RTRAF: variants seen among roughly 807,000 people sequenced by gnomAD.
RTRAF encodes the protein tRNA-splicing ligase complex subunit RTRAF.
Under a neutral mutation model 34.4 loss-of-function variants are expected in RTRAF, and 14 were observed. The observed-to-expected ratio is 0.41, with a 90% CI of 0.27 to 0.64. The LOEUF is 0.64. RTRAF is among the 30% of genes least tolerant of loss of function. The pLI is 0.34. For missense variants in RTRAF, 291 were observed against 288.4 expected (o/e 1.01, Z -0.06); for synonymous variants, 96 against 95.3 (o/e 1.01, Z -0.04).
chr14:51,991,779 G>A (rs1005866104), intron 2 of RTRAF, among the ~76,000 whole-genome samples: 2 of 152,138 alleles, frequency 1.3e-5, no homozygotes, highest in East Asian at 1.9e-4. Flanking sequence ...ATTAAAAGAA[G>A]ACATTGGCTA....
At chr14:51,999,892 G>A in intron 5 of RTRAF, 96 bp downstream of exon 5, 4 of 812,062 alleles carry the variant, frequency 4.9e-6, no homozygotes, top group Non-Finnish European at 7.9e-6. Flanking sequence ...AATTATGGTT[G>A]AATGACTAAA....
intron 1 of RTRAF, 133 bp downstream of exon 1, chr14:51,989,833 C>T: frequency 1.2e-6 from 1 of 825,684 alleles, no homozygotes; most frequent in East Asian, 3.0e-5. Flanking sequence ...GGCCCCTCTC[C>T]TCTGGGTCGC....
Position 51,993,832 on chromosome 14 carries a change from G to T in RTRAF, c.286+10G>T, listed in dbSNP as rs543450936. On this transcript the variant is annotated intron_variant, in intron 3 of 7. Coordinates refer to ENST00000261700, the MANE Select transcript of RTRAF (RefSeq NM_016039.3). ...GAATATGGAGATAATGGTACGTTTT[G>T]TGGGGAATGTGTATTTTAAAGAGAG... The T allele has an allele frequency of 6.9e-7, 1 of 1,456,568 alleles. No homozygotes were observed. The highest frequency in any genetic ancestry group is 9.5e-7 in the Non-Finnish European group (1 of 1,054,806). 90.2% of individuals were successfully genotyped at this position (1,456,568 alleles called of 1,614,324 possible). A position where few individuals can be genotyped will look rare whatever the true frequency, so the allele number is the denominator to read the frequency against.
Position 52,007,939 on chromosome 14 carries a change from C to CTCTATTCCAGT in RTRAF, c.*3424_*3434dup. ...GATGACGTTTCAATTTTAGGAGCTT[C>CTCTATTCCAGT]TCTATTCCAGTCTGTCCAGTACAAG... On this transcript the variant is annotated 3_prime_UTR_variant, in exon 8 of 8. Coordinates refer to ENST00000261700, the MANE Select transcript of RTRAF (RefSeq NM_016039.3). 1 of 1,613,516 alleles carries CTCTATTCCAGT rather than the reference C, an allele frequency of 6.2e-7. No individual in the cohort carries two copies. Among genetic ancestry groups the CTCTATTCCAGT allele is most frequent in the Non-Finnish European group, 8.5e-7 (1 of 1,179,828 alleles).
At chr14:51,992,744 G>T (rs746857086) in intron 2 of RTRAF, among the ~76,000 whole-genome samples, 3 of 152,162 alleles carry the variant, frequency 2.0e-5, no homozygotes, top group Non-Finnish European at 4.4e-5. Context: ...ATAAAAAATT[G>T]TCTAGGCTGG....
At chr14:52,004,120 T>G in intron 6 of RTRAF, 74 bp from the exon 7 acceptor site, 2 of 1,312,860 alleles carry the variant, frequency 1.5e-6, no homozygotes, top group South Asian at 2.5e-5. Context: ...AGCTAGGTGC[T>G]TTTCAGTTTC....
Position 52,005,428 on chromosome 14 carries a change from G to A in RTRAF, c.*912G>A, listed in dbSNP as rs1890729658. On this transcript the variant is annotated 3_prime_UTR_variant, in exon 8 of 8. Coordinates refer to ENST00000261700, the MANE Select transcript of RTRAF (RefSeq NM_016039.3). ...TACTTTCTTTGCCTTTGCAGTCACT[G>A]TTCTTTAGGGTCCAGGTTCTGATTG... is the stretch of plus-strand genomic sequence containing the variant. 6.7e-7 allele frequency: 1 copy of A among 1,496,070 alleles called. No homozygotes were observed. The highest frequency in any genetic ancestry group is 1.4e-5 in the African/African-American group (1 of 71,432). 92.7% of individuals were successfully genotyped at this position (1,496,070 alleles called of 1,614,324 possible). A position where few individuals can be genotyped will look rare whatever the true frequency, so the allele number is the denominator to read the frequency against.
rs1458240351 is a variant in RTRAF, at chr14:52,007,778, G to A, written c.*3262G>A. 2 of 1,583,988 alleles carry A rather than the reference G, an allele frequency of 1.3e-6. No homozygotes were observed. The highest frequency in any genetic ancestry group is 1.1e-5 in the South Asian group (1 of 89,312). On this transcript the variant is annotated 3_prime_UTR_variant, in exon 8 of 8. Coordinates refer to ENST00000261700, the MANE Select transcript of RTRAF (RefSeq NM_016039.3). ...GTGCTCACATTCACTGTGATGAGAG[G>A]TTATCTATTTGCATTCCATCAGTAG...
Position 52,005,792 on chromosome 14 carries a change from T to C in RTRAF, c.*1276T>C, listed in dbSNP as rs753457011. On this transcript the variant is annotated 3_prime_UTR_variant, in exon 8 of 8. Coordinates refer to ENST00000261700, the MANE Select transcript of RTRAF (RefSeq NM_016039.3). ...TCCCGTAGAGGTGAGATCGTTGTTC[T>C]GGGAGATACTCATCAGTAAACTGGC... 1.9e-6 allele frequency: 3 copies of C among 1,613,972 alleles called. No homozygotes were observed. The highest frequency in any genetic ancestry group is 1.1e-5 in the South Asian group (1 of 91,072).
chr14:52,006,751 G>T lies in RTRAF; in HGVS notation c.*2235G>T, dbSNP rs1890801130. 1 of 1,375,552 alleles carries T rather than the reference G, an allele frequency of 7.3e-7. No individual in the cohort carries two copies. Among genetic ancestry groups the T allele is most frequent in the East Asian group, 2.3e-5 (1 of 42,596 alleles). The allele number at this position is 1,375,552 out of a possible 1,614,324, so 85.2% of individuals were successfully genotyped here. ...GATAGTGACACAGTGATAGAATGGG[G>T]AAATAGGATATTTTACTTCCATTAC... is the stretch of plus-strand genomic sequence containing the variant. On this transcript the variant is annotated 3_prime_UTR_variant, in exon 8 of 8. Transcript: ENST00000261700.
At chr14:51,998,687 A>G (rs1022913732) in intron 4 of RTRAF, 107 bp downstream of exon 4, 2 of 651,418 alleles carry the variant, frequency 3.1e-6, no homozygotes, top group East Asian at 2.9e-5. Context: ...TAAATTTAGA[A>G]GGATCCATGC....
In RTRAF at chr14:52,004,514, T is replaced by G. The variant is rs748111307; in HGVS notation, c.733T>G (p.Ter245GlyextTer11). ...CCACAGACTGGGAAAAGTTGGAAGATGAACACTTGAGGACTTCAGCTTCTC... is the reference window on the plus strand; with the variant it reads ...CCACAGACTGGGAAAAGTTGGAAGAGGAACACTTGAGGACTTCAGCTTCTC... ...TDHRLGKVGR[*>G] is the part of the protein sequence containing the mutation. The change falls in exon 8 of 8, where the codon TGA (stop) becomes GGA (glycine). Residue 245 changes from the stop codon to glycine (G), a stop_lost. Coordinates refer to ENST00000261700, the MANE Select transcript of RTRAF (RefSeq NM_016039.3). 4 of 1,612,174 alleles carry G rather than the reference T, an allele frequency of 2.5e-6. No homozygotes were observed. The highest frequency in any genetic ancestry group is 2.5e-6 in the Non-Finnish European group (3 of 1,179,586).
In RTRAF at chr14:52,005,188, T is replaced by TTTGATCTTTTAAATATTAA. The variant is rs1183489879; in HGVS notation, c.*674_*692dup. 8 of 273,454 alleles carry TTTGATCTTTTAAATATTAA rather than the reference T, an allele frequency of 2.9e-5. No homozygotes were observed. Among genetic ancestry groups the TTTGATCTTTTAAATATTAA allele is most frequent in the Admixed American group, 2.9e-4 (6 of 20,558 alleles). 16.9% of individuals were successfully genotyped at this position (273,454 alleles called of 1,614,324 possible). ...AAACTCTAATTCTTAGTTGAATGAATTTGATCTTTTAAATATTAATGATAA... is the reference window on the plus strand; with the variant it reads ...AAACTCTAATTCTTAGTTGAATGAATTTGATCTTTTAAATATTAATTGATCTTTTAAATATTAATGATAA... On this transcript the variant is annotated 3_prime_UTR_variant, in exon 8 of 8. Transcript: ENST00000261700.
chr14:52,007,690 AG>A lies in RTRAF; in HGVS notation c.*3175del. The stretch of plus-strand genomic sequence containing the variant: ...GTACTTAAATTTACTAGTACTTAAA[AG>A]TTTACAGACCAAAGAAAGGAGATCT... On this transcript the variant is annotated 3_prime_UTR_variant, in exon 8 of 8. Transcript: ENST00000261700. 1 of 939,868 alleles carries A rather than the reference AG, an allele frequency of 1.1e-6. No homozygotes were observed. The highest frequency in any genetic ancestry group is 2.3e-5 in the Admixed American group (1 of 43,676). 58.2% of individuals were successfully genotyped at this position (939,868 alleles called of 1,614,324 possible).
At position 52,004,453 on chromosome 14, in the gene RTRAF, A is replaced by T; in HGVS notation, c.672A>T (p.Val224=). 5 of 1,614,058 alleles carry T rather than the reference A, an allele frequency of 3.1e-6. No homozygotes were observed. Among genetic ancestry groups the T allele is most frequent in the Non-Finnish European group, 4.2e-6 (5 of 1,179,926 alleles). ...ELQTKINEAI[V]AVQAIIADPK... is the part of the protein sequence containing the mutation. ...AGACAAAAATCAACGAAGCCATAGTAGCTGTTCAGGCAATTATTGCTGATC... is the reference window on the plus strand; with the variant it reads ...AGACAAAAATCAACGAAGCCATAGTTGCTGTTCAGGCAATTATTGCTGATC... Residue 224 remains valine, a synonymous_variant, in exon 8 of 8, where the codon GTA becomes GTT. Transcript: ENST00000261700.
At chr14:51,994,742 A>G (rs1890491466) in intron 3 of RTRAF, among the ~76,000 whole-genome samples, 1 of 152,114 alleles carries the variant, frequency 6.6e-6, no homozygotes. Context: ...CATAAACACT[A>G]ATTTCCCATT....
chr14:51,990,643 C>A (rs1342062297), intron 1 of RTRAF, among the ~76,000 whole-genome samples: 1 of 152,160 alleles, frequency 6.6e-6, no homozygotes, highest in Non-Finnish European at 1.5e-5. Flanking sequence ...GAGCCTTGTT[C>A]TGGATTGGAA....
chr14:52,005,351 A>G lies in RTRAF; in HGVS notation c.*835A>G. ...CTTTTCACAAAAGTCTTTTTGCACT[A>G]CAAAATGTTCATCTTGGATGCTCAG... is the stretch of plus-strand genomic sequence containing the variant. On this transcript the variant is annotated 3_prime_UTR_variant, in exon 8 of 8. Coordinates refer to ENST00000261700, the MANE Select transcript of RTRAF (RefSeq NM_016039.3). 1.3e-6 allele frequency: 1 copy of G among 773,950 alleles called. No homozygotes were observed. The highest frequency in any genetic ancestry group is 1.9e-6 in the Non-Finnish European group (1 of 524,424). The allele number at this position is 773,950 out of a possible 1,614,324, so 47.9% of individuals were successfully genotyped here.
At position 52,004,540 on chromosome 14, in the gene RTRAF, A is replaced by C. The variant is rs895847537; in HGVS notation, c.*24A>C. On this transcript the variant is annotated 3_prime_UTR_variant, in exon 8 of 8. Transcript: ENST00000261700. ...GAACACTTGAGGACTTCAGCTTCTC[A>C]CCTACTTAGTACAGTTGGGAACCAT... The C allele has an allele frequency of 6.2e-7, 1 of 1,602,712 alleles. No individual in the cohort carries two copies. The highest frequency in any genetic ancestry group is 1.4e-5 in the African/African-American group (1 of 71,738).
Sources: allele counts gnomAD v4.1 joint callset (sites outside exome capture counted in the v4.1 genomes callset), GRCh38; gene constraint gnomAD v4.1.1; transcripts MANE v1.5; gene names NCBI Gene and HGNC (gene_info 2026-07-23, HGNC 2026-07-21).